Variants in ADARB2 observed in about 807,000 individuals in gnomAD.
ADARB2 encodes adenosine deaminase RNA specific B2 (inactive).
ADARB2 carries 25 observed loss-of-function variants against 62.2 expected under a neutral mutation model. That is an observed-to-expected ratio of 0.40 (90% confidence interval 0.29 to 0.56). ADARB2 has a LOEUF of 0.56. Among genes scored for constraint, ADARB2 ranks in the 20% least tolerant of loss-of-function variants. The pLI, the probability that ADARB2 is intolerant of heterozygous loss-of-function variation, is 0.43. For synonymous variants in ADARB2, 572 were observed against 500.8 expected, an observed-to-expected ratio of 1.14 and a Z score of -1.90; for missense variants, 1,071 against 1,077.4, an observed-to-expected ratio of 0.99 and a Z score of 0.08.
At chr10:1,258,545 G>A (rs982474885) in intron 4 of ADARB2, among the ~76,000 whole-genome samples, 1 of 152,108 alleles carries the variant, frequency 6.6e-6, no homozygotes, top group Admixed American at 6.6e-5. Flanking sequence ...GATCAAAAGA[G>A]ACAAAGAAGG....
intron 1 of ADARB2, among the ~76,000 whole-genome samples, chr10:1,622,758 ATTGT>A (rs1373929206): frequency 5.9e-5 from 9 of 152,162 alleles, no homozygotes; most frequent in African/African-American, 9.7e-5. Context: ...ACTTTGGAAA[ATTGT>A]TTGTTTGTTT....
In ADARB2 at chr10:1,183,194, T is replaced by TA. The variant is rs754434726; in HGVS notation, c.2218dup (p.Ter740LeufsTer79). The TA allele has an allele frequency of 6.2e-7, 1 of 1,612,534 alleles. No homozygotes were observed. The highest frequency in any genetic ancestry group is 2.2e-5 in the East Asian group (1 of 44,872). On this transcript the variant is annotated frameshift_variant and stop_lost, in exon 10 of 10. Transcript: ENST00000381312. LOFTEE classifies it high-confidence loss of function. Reference sequence around the variant, plus strand: ...CTCCAGCAGCCAGGAGCCCGCAGCCTAGAGAGTCAGTAGAAACTGCTGCTG... The same window carrying TA: ...CTCCAGCAGCCAGGAGCCCGCAGCCTAAGAGAGTCAGTAGAAACTGCTGCTG...
intron 1 of ADARB2, among the ~76,000 whole-genome samples, chr10:1,695,604 G>C (rs190754788): frequency 7.1e-6 from 1 of 139,906 alleles, no homozygotes; most frequent in African/African-American, 2.5e-5. Context: ...TGTATACACA[G>C]AAACATGCAT....
intron 1 of ADARB2, among the ~76,000 whole-genome samples, chr10:1,392,378 C>T (rs564864206): frequency 3.9e-5 from 6 of 152,180 alleles, no homozygotes; most frequent in African/African-American, 1.2e-4. Flanking sequence ...TGCCAAAACA[C>T]GCTCTGACAG....
At chr10:1,366,480 C>A (rs760560148) in intron 2 of ADARB2, among the ~76,000 whole-genome samples, 1 of 152,118 alleles carries the variant, frequency 6.6e-6, no homozygotes, top group Non-Finnish European at 1.5e-5. Flanking sequence ...CTTGCCCCAC[C>A]CTGAGGCTTG....
At chr10:1,609,350 C>T (rs561206556) in intron 1 of ADARB2, among the ~76,000 whole-genome samples, 1 of 152,326 alleles carries the variant, frequency 6.6e-6, no homozygotes, top group South Asian at 2.1e-4. Context: ...GGGTTTGTCT[C>T]CCTGATTAAC....
intron 1 of ADARB2, among the ~76,000 whole-genome samples, chr10:1,728,164 G>A (rs796348893): frequency 3.9e-5 from 6 of 152,238 alleles, no homozygotes; most frequent in African/African-American, 1.4e-4. Flanking sequence ...GATGTAAGAA[G>A]ATAGATTTTT....
rs968649900 is a variant in ADARB2, at chr10:1,607,480, G to A, written c.100+129571C>T. Among the ~76,000 whole-genome samples, 14 of 152,172 alleles carry A rather than the reference G, an allele frequency of 9.2e-5. No individual in the cohort carries two copies. The East Asian group carries it at 1.2e-3, about 13-fold the overall frequency. On this transcript the variant is annotated intron_variant, in intron 1 of 9. Transcript: ENST00000381312. ...GCTGTGATCTGCAGCTGAGACACAC[G>A]TTTGAGCCACAGGCTGCTGTCCTGC...
chr10:1,377,866 T>C (rs1010871825), intron 2 of ADARB2, among the ~76,000 whole-genome samples: 1 of 152,168 alleles, frequency 6.6e-6, no homozygotes, highest in Non-Finnish European at 1.5e-5. Flanking sequence ...ACAACCTCCA[T>C]TTCCAGTATA....
At chr10:1,705,054 A>C (rs1189051680) in intron 1 of ADARB2, among the ~76,000 whole-genome samples, 2 of 152,358 alleles carry the variant, frequency 1.3e-5, no homozygotes, top group Non-Finnish European at 2.9e-5. Flanking sequence ...CTGAAATCCC[A>C]TAATTTCATT....
chr10:1,507,249 G>A (rs937171780), intron 1 of ADARB2, among the ~76,000 whole-genome samples: 4 of 152,240 alleles, frequency 2.6e-5, no homozygotes, highest in African/African-American at 9.6e-5. Context: ...AGGAAACAGA[G>A]TGGGCTCAGA....
chr10:1,527,710 G>A (rs1236933048), intron 1 of ADARB2, among the ~76,000 whole-genome samples: 2 of 152,178 alleles, frequency 1.3e-5, no homozygotes, highest in African/African-American at 2.4e-5. Flanking sequence ...GGGTCAGATA[G>A]TCTATCAGAA....
intron 1 of ADARB2, among the ~76,000 whole-genome samples, chr10:1,399,437 T>A (rs1352521113): frequency 6.6e-6 from 1 of 152,296 alleles, no homozygotes; most frequent in Non-Finnish European, 1.5e-5. Flanking sequence ...TCATATCTTT[T>A]TTTTTTTGGC....
intron 1 of ADARB2, among the ~76,000 whole-genome samples, chr10:1,629,446 TCAGCGCTCAAGCACCCCGC>T (rs1482862185): frequency 6.6e-6 from 1 of 151,882 alleles, no homozygotes; most frequent in Non-Finnish European, 1.5e-5. Context: ...AGCTAAAGCC[TCAGCGCTCAAGCACCCCGC>T]CAGCGCCCAA....
intron 1 of ADARB2, among the ~76,000 whole-genome samples, chr10:1,610,925 AGG>A (rs1395932202): frequency 6.6e-6 from 1 of 152,124 alleles, no homozygotes; most frequent in Non-Finnish European, 1.5e-5. Flanking sequence ...CACACACATG[AGG>A]TGGGGGCTTT....
chr10:1,363,676 C>A lies in ADARB2; in HGVS notation c.429G>T (p.Arg143=). The A allele has an allele frequency of 1.2e-6, 2 of 1,611,164 alleles. No homozygotes were observed. Among genetic ancestry groups the A allele is most frequent in the Non-Finnish European group, 1.7e-6 (2 of 1,179,032 alleles). ...LHELRPGLQY[R]TVSQTGPVHA... ...GCACCGGGCCCGTCTGCGACACTGT[C>A]CGGTACTGCAGGCCCGGCCTCAGCT... is the stretch of plus-strand genomic sequence containing the variant. The change falls in exon 3 of 10, where the codon CGG becomes CGT. Residue 143 remains arginine, a synonymous_variant. Coordinates refer to ENST00000381312, the MANE Select transcript of ADARB2 (RefSeq NM_018702.4).
At position 1,213,198 on chromosome 10, in the gene ADARB2, AAG is replaced by A. The variant is rs374614543; in HGVS notation, c.1682+3751_1682+3752del. On this transcript the variant is annotated intron_variant, in intron 7 of 9. Coordinates refer to ENST00000381312, the MANE Select transcript of ADARB2 (RefSeq NM_018702.4). ...AGACAAGGACAGAGATAAAAAGACA[AAG>A]AGAGACAGAGATGGGCACACAGAGA... is the stretch of plus-strand genomic sequence containing the variant. Among the ~76,000 whole-genome samples the A allele has an allele frequency of 3.5e-4, 52 of 146,948 alleles. No individual in the cohort carries two copies. In the East Asian group the frequency reaches 9.5e-3, roughly 27 times the overall value.
intron 2 of ADARB2, among the ~76,000 whole-genome samples, chr10:1,374,614 C>G (rs901776663): frequency 3.9e-5 from 6 of 152,178 alleles, no homozygotes; most frequent in Non-Finnish European, 7.3e-5. Context: ...TCTGCCCTCC[C>G]TCTGCCCGCC....
At chr10:1,457,006 C>T (rs1005451578) in intron 1 of ADARB2, among the ~76,000 whole-genome samples, 2 of 136,432 alleles carry the variant, frequency 1.5e-5, no homozygotes, top group South Asian at 2.6e-4. Flanking sequence ...CATCTCTGCC[C>T]GCCTCGGCCT....
Sources: gnomAD v4.1 joint callset for allele counts (sites outside exome capture counted in the v4.1 genomes callset) on GRCh38, gnomAD v4.1.1 for gene constraint, MANE v1.5 for transcripts, NCBI Gene and HGNC (gene_info 2026-07-23, HGNC 2026-07-21) for gene names.